STAMBPL1: variants seen among roughly 807,000 people sequenced by gnomAD.
STAMBPL1 encodes the protein STAM binding protein like 1.
Under a neutral mutation model 52.9 loss-of-function variants are expected in STAMBPL1, and 44 were observed. That is an observed-to-expected ratio of 0.83 (90% confidence interval 0.65 to 1.07). The LOEUF (loss-of-function observed/expected upper bound fraction) is 1.07. Among genes scored for constraint, STAMBPL1 ranks in the 50% least tolerant of loss-of-function variants. The pLI is 0.00. For missense variants in STAMBPL1, 511 were observed against 520.8 expected (o/e 0.98, Z 0.18); for synonymous variants, 164 against 177.3 (o/e 0.92, Z 0.60).
chr10:88,902,161 C>T (rs1844957955), intron 2 of STAMBPL1, among the ~76,000 whole-genome samples: 2 of 152,140 alleles, frequency 1.3e-5, no homozygotes, highest in African/African-American at 4.8e-5. Flanking sequence ...GTGTAAATGT[C>T]TTTGTACTTG....
intron 5 of STAMBPL1, chr10:88,912,771 T>C (rs549285875): frequency 5.6e-5 from 12 of 215,278 alleles, no homozygotes; most frequent in Admixed American, 4.4e-4. Context: ...GGGTGAGATA[T>C]TTTGTTTCAT....
Position 88,914,516 on chromosome 10 carries a change from C to T in STAMBPL1, c.779-18C>T. The T allele has an allele frequency of 2.0e-6, 3 of 1,476,956 alleles. No homozygotes were observed. Among genetic ancestry groups the T allele is most frequent in the Non-Finnish European group, 2.7e-6 (3 of 1,110,504 alleles). 91.5% of individuals were successfully genotyped at this position (1,476,956 alleles called of 1,614,324 possible). A position where few individuals can be genotyped will look rare whatever the true frequency, so the allele number is the denominator to read the frequency against. The stretch of plus-strand genomic sequence containing the variant: ...TATAGTTTGTTTTTTAGCCTTTTCT[C>T]CCTTTTTTGTTTCTTAGATTTAGTG... On this transcript the variant is annotated intron_variant, in intron 6 of 10. Transcript: ENST00000371926.
In STAMBPL1 at chr10:88,923,329, A is replaced by G. The variant is rs574686942; in HGVS notation, c.*105A>G. On this transcript the variant is annotated 3_prime_UTR_variant, in exon 11 of 11. Transcript: ENST00000371926. The stretch of plus-strand genomic sequence containing the variant: ...CAGAAATGACTGATATTTTATATTT[A>G]TACATTTTAGATGACAAAGCTTGAT... 4 of 1,435,996 alleles carry G rather than the reference A, an allele frequency of 2.8e-6. No homozygotes were observed. The highest frequency in any genetic ancestry group is 3.2e-5 in the Admixed American group (1 of 31,732). The allele number at this position is 1,435,996 out of a possible 1,614,324, so 89.0% of individuals were successfully genotyped here.
intron 7 of STAMBPL1, among the ~76,000 whole-genome samples, chr10:88,915,687 G>A (rs1012169872): frequency 6.6e-6 from 1 of 152,184 alleles, no homozygotes; most frequent in Non-Finnish European, 1.5e-5. Flanking sequence ...CGATGCTTAC[G>A]ATGCTGTGAA....
At chr10:88,893,175 A>G (rs1042091436) in intron 1 of STAMBPL1, among the ~76,000 whole-genome samples, 7 of 152,212 alleles carry the variant, frequency 4.6e-5, no homozygotes, top group Non-Finnish European at 1.0e-4. Flanking sequence ...CTGTGTACAA[A>G]TATGAATCTC....
At chr10:88,883,010 TC>T (rs1589344216) in intron 1 of STAMBPL1, among the ~76,000 whole-genome samples, 2 of 81,858 alleles carry the variant, frequency 2.4e-5, no homozygotes, top group African/African-American at 9.5e-5. Context: ...CTCTCCCCCC[TC>T]CCCCCACCCC....
chr10:88,883,764 G>T lies in STAMBPL1; in HGVS notation c.-54+3126G>T, dbSNP rs78703049. On this transcript the variant is annotated intron_variant, in intron 1 of 10. Coordinates refer to ENST00000371926, the MANE Select transcript of STAMBPL1 (RefSeq NM_020799.4). ...TTGACTGGTGGTTGCTTAGTAACTT[G>T]TGTTTATTAAAAGAAGTCCCTTGAT... is the stretch of plus-strand genomic sequence containing the variant. Among the ~76,000 whole-genome samples the T allele has an allele frequency of 4.7e-4, 71 of 152,302 alleles. 1 individual carries two copies. In the East Asian group the frequency reaches 0.013, roughly 27 times the overall value.
chr10:88,893,593 T>C (rs1171796635), intron 1 of STAMBPL1, among the ~76,000 whole-genome samples: 1 of 151,974 alleles, frequency 6.6e-6, no homozygotes, highest in African/African-American at 2.4e-5. Context: ...AATACAAAAT[T>C]AGCCAGGCAT....
Position 88,910,950 on chromosome 10 carries a change from A to G in STAMBPL1, c.359A>G (p.Glu120Gly). The G allele has an allele frequency of 6.3e-7, 1 of 1,598,924 alleles. No homozygotes were observed. The highest frequency in any genetic ancestry group is 8.5e-7 in the Non-Finnish European group (1 of 1,175,232). Reference protein sequence around the residue: ...LKEIAFPRTDELKNDLLKKYN... With the variant: ...LKEIAFPRTDGLKNDLLKKYN... ...GAGATTGCATTCCCAAGGACAGATG[A>G]ATTGAAAAACGACCTTTTAAAGAAA... Residue 120 changes from glutamate (E) to glycine (G), a missense_variant, in exon 5 of 11, where the codon GAA becomes GGA. Glu to Gly is a moderately conservative substitution (Grantham distance 98, BLOSUM62 -2). Coordinates refer to ENST00000371926, the MANE Select transcript of STAMBPL1 (RefSeq NM_020799.4).
intron 1 of STAMBPL1, among the ~76,000 whole-genome samples, chr10:88,884,172 A>G (rs1844472956): frequency 6.6e-6 from 1 of 152,238 alleles, no homozygotes; most frequent in African/African-American, 2.4e-5. Flanking sequence ...TAAATACATA[A>G]AAGTAAAATA....
chr10:88,905,375 T>C, intron 2 of STAMBPL1, 68 bp from the exon 3 acceptor site: 1 of 1,225,786 alleles, frequency 8.2e-7, no homozygotes, highest in Non-Finnish European at 1.2e-6. Flanking sequence ...CATATGTCCA[T>C]AATATTAGTC....
At chr10:88,905,366 A>G (rs1467759896) in intron 2 of STAMBPL1, 77 bp from the exon 3 acceptor site, 6 of 1,126,910 alleles carry the variant, frequency 5.3e-6, no homozygotes, top group Non-Finnish European at 8.0e-6. Flanking sequence ...CATAAAGAAC[A>G]TATGTCCATA....
At chr10:88,902,225 C>T (rs1844959919) in intron 2 of STAMBPL1, among the ~76,000 whole-genome samples, 1 of 152,224 alleles carries the variant, frequency 6.6e-6, no homozygotes, top group African/African-American at 2.4e-5. Context: ...TGCACACTTT[C>T]TCTAGCTACA....
intron 1 of STAMBPL1, among the ~76,000 whole-genome samples, chr10:88,890,634 CA>C (rs1337823224): frequency 6.6e-6 from 1 of 152,196 alleles, no homozygotes; most frequent in African/African-American, 2.4e-5. Flanking sequence ...TGGTACCATC[CA>C]TGGAGATGAA....
chr10:88,902,770 C>T (rs1022282904), intron 2 of STAMBPL1, among the ~76,000 whole-genome samples: 1 of 152,064 alleles, frequency 6.6e-6, no homozygotes, highest in African/African-American at 2.4e-5. Flanking sequence ...CAGGTTTCAC[C>T]GTGTTAGCCA....
chr10:88,899,227 T>C (rs1215913693), intron 1 of STAMBPL1, among the ~76,000 whole-genome samples: 1 of 152,214 alleles, frequency 6.6e-6, no homozygotes, highest in African/African-American at 2.4e-5. Context: ...AGAATCCTGC[T>C]TAATTCATTC....
rs371891072 is a variant in STAMBPL1 at position 88,897,766 on chromosome 10, A to G, written c.-53-3890A>G. Among the ~76,000 whole-genome samples, 6 of 152,336 alleles carry G rather than the reference A, an allele frequency of 3.9e-5. No individual in the cohort carries two copies. The East Asian group carries it at 1.2e-3, about 29-fold the overall frequency. On this transcript the variant is annotated intron_variant, in intron 1 of 10. Coordinates refer to ENST00000371926, the MANE Select transcript of STAMBPL1 (RefSeq NM_020799.4). ...GAGCCTAGACTCAACACCCAGGCTT[A>G]TCTCACTCCAAAGGCTGTTTGCACC...
intron 10 of STAMBPL1, among the ~76,000 whole-genome samples, chr10:88,922,816 T>C (rs975452416): frequency 2.6e-5 from 4 of 152,144 alleles, no homozygotes; most frequent in African/African-American, 7.2e-5. Context: ...TTCATAGCAA[T>C]TGATGGAAAC....
At position 88,910,992 on chromosome 10, in the gene STAMBPL1, A is replaced by G; in HGVS notation, c.401A>G (p.Gln134Arg). 1.3e-6 allele frequency: 2 copies of G among 1,590,738 alleles called. No homozygotes were observed. The highest frequency in any genetic ancestry group is 1.8e-5 in the Admixed American group (1 of 55,570). ...DLLKKYNVEY[Q>R]EYLQSKNKYK... is the part of the protein sequence containing the mutation. The stretch of plus-strand genomic sequence containing the variant: ...TTAAAGAAATATAACGTAGAATACC[A>G]AGAATATTTGCAAAGCAAAGTAAGT... The change falls in exon 5 of 11, where the codon CAA becomes CGA. Residue 134 changes from glutamine (Q) to arginine (R), a missense_variant. Gln to Arg is a conservative substitution (Grantham distance 43). Coordinates refer to ENST00000371926, the MANE Select transcript of STAMBPL1 (RefSeq NM_020799.4).
Sources: gnomAD v4.1 joint callset for allele counts (sites outside exome capture counted in the v4.1 genomes callset) on GRCh38, gnomAD v4.1.1 for gene constraint, MANE v1.5 for transcripts, NCBI Gene and HGNC (gene_info 2026-07-23, HGNC 2026-07-21) for gene names.